CDH23: variants seen among roughly 807,000 people sequenced by gnomAD.
CDH23 encodes the protein cadherin related 23, also known as cadherin-23.
A neutral mutation model predicts 317.1 loss-of-function variants in CDH23; 189 were observed. The ratio of observed to expected loss-of-function variants is 0.60; its 90% CI spans 0.53 to 0.67. The LOEUF (loss-of-function observed/expected upper bound fraction) is 0.67, where lower values mean the gene tolerates loss of function less well. Ranked by LOEUF, CDH23 falls within the 30% of genes least tolerant of loss-of-function variation. The pLI is 0.00. For synonymous variants in CDH23, 1,839 were observed against 1,876.8 expected (o/e 0.98, Z 0.52); for missense variants, 4,401 against 4,592.4 (o/e 0.96, Z 1.20).
chr10:71,437,174 A>T (rs74144952), intron 1 of CDH23, among the ~76,000 whole-genome samples: 2,976 of 152,346 alleles, frequency 0.02, 108 homozygotes, highest in African/African-American at 0.067. Flanking sequence ...GGTGGGACTG[A>T]GAATTGCCAC....
intron 28 of CDH23, 90 bp from the exon 29 acceptor site, chr10:71,723,955 T>A: frequency 1.4e-6 from 2 of 1,422,610 alleles, no homozygotes; most frequent in South Asian, 1.2e-5. Context: ...TGGGGTAGGA[T>A]GCGTGAAGGG....
chr10:71,510,447 A>G (rs939440108), intron 4 of CDH23, among the ~76,000 whole-genome samples: 4 of 152,096 alleles, frequency 2.6e-5, no homozygotes, highest in Admixed American at 1.3e-4. Flanking sequence ...AAGCAGCTAC[A>G]TTGGAGAGGC....
At chr10:71,475,629 G>T (rs1851753534) in intron 3 of CDH23, among the ~76,000 whole-genome samples, 1 of 152,202 alleles carries the variant, frequency 6.6e-6, no homozygotes, top group African/African-American at 2.4e-5. Flanking sequence ...ACAGTGTGAG[G>T]CCCATCTGTC....
At chr10:71,729,720 T>G (rs1839292537) in intron 30 of CDH23, among the ~76,000 whole-genome samples, 1 of 152,214 alleles carries the variant, frequency 6.6e-6, no homozygotes, top group Admixed American at 6.5e-5. Context: ...CCAAGATATA[T>G]TTTAATATTT....
intron 48 of CDH23, among the ~76,000 whole-genome samples, chr10:71,796,572 A>G (rs914756760): frequency 5.3e-5 from 8 of 152,210 alleles, no homozygotes; most frequent in African/African-American, 1.9e-4. Context: ...TGATCTCCCT[A>G]GAATCTAAGC....
At chr10:71,663,976 C>T (rs1010808485) in intron 14 of CDH23, among the ~76,000 whole-genome samples, 15 of 149,162 alleles carry the variant, frequency 1.0e-4, no homozygotes, top group Non-Finnish European at 1.9e-4. Flanking sequence ...ACACCAGCCT[C>T]GGCGACAGAG....
At position 71,785,713 on chromosome 10, in the gene CDH23, C is replaced by T. The variant is rs533857241; in HGVS notation, c.5795C>T (p.Pro1932Leu). ...YKLTISVKDNPENPRIARRDY... is the reference protein window; with the variant it reads ...YKLTISVKDNLENPRIARRDY... Reference sequence around the variant, plus strand: ...CTGACCATTTCTGTGAAGGACAACCCGGAGAATCCACGCATAGCCAGGAGG... The same window carrying T: ...CTGACCATTTCTGTGAAGGACAACCTGGAGAATCCACGCATAGCCAGGAGG... The change falls in exon 44 of 70, where the codon CCG (proline) becomes CTG (leucine). Residue 1932 changes from proline to leucine, a missense_variant. Pro to Leu is a moderately conservative substitution (Grantham distance 98). Around this residue, in one of 3 missense-constraint regions of CDH23, gnomAD observed 3,068 missense variants for 3,203.3 expected, o/e 0.96. Transcript: ENST00000224721. 7.5e-6 allele frequency: 12 copies of T among 1,606,954 alleles called. No homozygotes were observed. The highest frequency in any genetic ancestry group is 2.2e-5 in the East Asian group (1 of 44,604).
intron 8 of CDH23, 151 bp from the exon 9 acceptor site, chr10:71,577,763 C>T: frequency 4.5e-6 from 3 of 669,012 alleles, no homozygotes. Flanking sequence ...GTGCCCAGGG[C>T]AGCTGATGCC....
At chr10:71,545,416 A>G (rs1856217881) in intron 6 of CDH23, among the ~76,000 whole-genome samples, 1 of 152,178 alleles carries the variant, frequency 6.6e-6, no homozygotes, top group Admixed American at 6.5e-5. Context: ...GTCGTCATCA[A>G]TGAGCCTGCC....
At chr10:71,599,491 C>T (rs1044217521) in intron 9 of CDH23, among the ~76,000 whole-genome samples, 7 of 152,092 alleles carry the variant, frequency 4.6e-5, no homozygotes, top group Non-Finnish European at 8.8e-5. Flanking sequence ...TAAAGATGAA[C>T]TGGGATTTCC....
rs1339876770 is a variant in CDH23 at position 71,554,697 on chromosome 10, G to C, written c.430-12045G>C. Among the ~76,000 whole-genome samples, 4 of 151,268 alleles carry C rather than the reference G, an allele frequency of 2.6e-5. No homozygotes were observed. In the East Asian group the frequency reaches 5.8e-4, roughly 22 times the overall value. On this transcript the variant is annotated intron_variant, in intron 6 of 69. Transcript: ENST00000224721. ...TATCATTCCCTGGATTTTTCTCTTG[G>C]AGTTTTCTGCCTCTGCAGAAAGTTG... is the stretch of plus-strand genomic sequence containing the variant.
chr10:71,413,450 T>C (rs1848418239), intron 1 of CDH23, among the ~76,000 whole-genome samples: 2 of 152,206 alleles, frequency 1.3e-5, no homozygotes, highest in Admixed American at 1.3e-4. Flanking sequence ...AAGATCGTTT[T>C]GACTATTTGG....
chr10:71,779,642 A>T (rs1840903601), intron 41 of CDH23, among the ~76,000 whole-genome samples, 195 bp downstream of exon 41: 1 of 152,248 alleles, frequency 6.6e-6, no homozygotes, highest in Non-Finnish European at 1.5e-5. Flanking sequence ...TGTGGCGAGA[A>T]CACCCTATAA....
At chr10:71,701,023 C>T (rs1334936642) in intron 22 of CDH23, among the ~76,000 whole-genome samples, 5 of 152,182 alleles carry the variant, frequency 3.3e-5, no homozygotes, top group Non-Finnish European at 5.9e-5. Flanking sequence ...GATGTGGCCC[C>T]AGGGACTGTA....
At chr10:71,471,642 C>T (rs1299925882) in intron 3 of CDH23, among the ~76,000 whole-genome samples, 1 of 152,206 alleles carries the variant, frequency 6.6e-6, no homozygotes, top group Non-Finnish European at 1.5e-5. Flanking sequence ...CCCCCATTGA[C>T]GTGTCCCCGT....
chr10:71,418,328 C>T (rs895593071), intron 1 of CDH23, among the ~76,000 whole-genome samples: 1 of 152,184 alleles, frequency 6.6e-6, no homozygotes, highest in Admixed American at 6.5e-5. Flanking sequence ...GGCAGCAGAG[C>T]AGCTGATCAT....
Position 71,628,972 on chromosome 10 carries a change from G to T in CDH23, c.1134+11579G>T, listed in dbSNP as rs553891061. Among the ~76,000 whole-genome samples, 8 of 152,346 alleles carry T rather than the reference G, an allele frequency of 5.3e-5. No homozygotes were observed. The South Asian group carries it at 1.7e-3, about 32-fold the overall frequency. ...TCAGAGAGGAAATGTTTTAGGGAAG[G>T]TCACAGAGCGTGGGAAGAGAGGCCT... On this transcript the variant is annotated intron_variant, in intron 11 of 69. Coordinates refer to ENST00000224721, the MANE Select transcript of CDH23 (RefSeq NM_022124.6).
Position 71,793,411 on chromosome 10 carries a change from C to T in CDH23, c.6483C>T (p.Thr2161=), listed in dbSNP as rs1209648313. 6.2e-6 allele frequency: 10 copies of T among 1,613,934 alleles called. No homozygotes were observed. The highest frequency in any genetic ancestry group is 6.8e-6 in the Non-Finnish European group (8 of 1,179,908). Residue 2161 remains threonine, a synonymous_variant, in exon 48 of 70, where the codon ACC becomes ACT. Transcript: ENST00000224721. ...CTCTCTCGGGCACAGCCATTGTCAC[C>T]ATTCTGATCGATGACATCAATGACT... The part of the protein sequence containing the change: ...TVPLSGTAIV[T]ILIDDINDSR...
rs554707606 is a variant in CDH23, at chr10:71,435,976, G to A, written c.-5-3851G>A. The stretch of plus-strand genomic sequence containing the variant: ...TCTCTCTGGGCCTTGCTTTCCTCCC[G>A]TAGACAGAGGAGCCAGAGGAAGATC... On this transcript the variant is annotated intron_variant, in intron 1 of 69. Transcript: ENST00000224721. Among the ~76,000 whole-genome samples the A allele has an allele frequency of 1.6e-4, 25 of 152,348 alleles. No individual in the cohort carries two copies. The East Asian group carries it at 3.1e-3, about 19-fold the overall frequency.
Sources: gnomAD v4.1 joint callset for allele counts (sites outside exome capture counted in the v4.1 genomes callset) on GRCh38, gnomAD v4.1.1 for gene constraint, gnomAD v4.1.1 regional missense constraint, MANE v1.5 for transcripts, NCBI Gene and HGNC (gene_info 2026-07-23, HGNC 2026-07-21) for gene names.